Variants in IHH observed in about 807,000 individuals in gnomAD.
IHH encodes the protein Indian hedgehog signaling molecule, also known as indian hedgehog protein.
A neutral mutation model predicts 29.4 loss-of-function variants in IHH; 9 were observed. That is an observed-to-expected ratio of 0.31 (90% CI 0.18 to 0.53). The LOEUF (loss-of-function observed/expected upper bound fraction) is 0.53. Among genes scored for constraint, IHH ranks in the 20% least tolerant of loss-of-function variants. The probability of loss-of-function intolerance (pLI) is 0.95; values close to 1 mark genes in which losing one functional copy is unlikely to be tolerated. For synonymous variants in IHH, 254 were observed against 252.7 expected (o/e 1.01, Z -0.05); for missense variants, 454 against 578.1 (o/e 0.79, Z 2.20).
rs992379168 is a variant in IHH, at chr2:219,055,097, G to T, written c.*110C>A. 1.2e-5 allele frequency: 14 copies of T among 1,139,122 alleles called. No individual in the cohort carries two copies. The African/African-American group carries it at 2.0e-4, about 16-fold the overall frequency. The allele number at this position is 1,139,122 out of a possible 1,614,324, so 70.6% of individuals were successfully genotyped here. Reference sequence around the variant, plus strand: ...GTGTATCTTCATGGCAGAGGAGATGGCAGGAGCCAGTGTCCCCCAGCTCAG... The same window carrying T: ...GTGTATCTTCATGGCAGAGGAGATGTCAGGAGCCAGTGTCCCCCAGCTCAG... On this transcript the variant is annotated 3_prime_UTR_variant, in exon 3 of 3. Transcript: ENST00000295731.
rs1002222600 is a variant in IHH, at chr2:219,059,501, G to A, written c.315+652C>T. ...TCCCCTAAGCTCAGTCCCAGAGCCCGAAGGCCCCAATAACCCACCCTTCCA... is the reference window on the plus strand; with the variant it reads ...TCCCCTAAGCTCAGTCCCAGAGCCCAAAGGCCCCAATAACCCACCCTTCCA... On this transcript the variant is annotated intron_variant, in intron 1 of 2. Transcript: ENST00000295731. This position sits in a 1 kb window ranked among gnomAD's most constrained non-coding sequence, Gnocchi z 4.7. Among the ~76,000 whole-genome samples, 2 of 152,054 alleles carry A rather than the reference G, an allele frequency of 1.3e-5. No homozygotes were observed. The highest frequency in any genetic ancestry group is 4.8e-5 in the African/African-American group (2 of 41,402).
Position 219,060,768 on chromosome 2 carries a change from G to T in IHH, c.-301C>A, listed in dbSNP as rs1574689795. Among the ~76,000 whole-genome samples, 1 of 147,110 alleles carries T rather than the reference G, an allele frequency of 6.8e-6. No homozygotes were observed. Among genetic ancestry groups the T allele is most frequent in the African/African-American group, 2.4e-5 (1 of 40,848 alleles). ...TTTTGGCAACGCGGCGGCGGCGGGG[G>T]GCGGCGGGCGGCGGGGCTGCGGGCC... On this transcript the variant is annotated 5_prime_UTR_variant, in exon 1 of 3. Transcript: ENST00000295731. This position sits in a 1 kb window ranked among gnomAD's most constrained non-coding sequence, Gnocchi z 8.8.
Position 219,055,195 on chromosome 2 carries a change from G to A in IHH, c.*12C>T, listed in dbSNP as rs768067625. On this transcript the variant is annotated 3_prime_UTR_variant, in exon 3 of 3. Coordinates refer to ENST00000295731, the MANE Select transcript of IHH (RefSeq NM_002181.4). ...AGTACAGCAGTTCCAGGAGGGCAGC[G>A]GTGGAGTCCTTTCAGCTCCCTGCCC... 27 of 1,557,766 alleles carry A rather than the reference G, an allele frequency of 1.7e-5. No individual in the cohort carries two copies. The highest frequency in any genetic ancestry group is 1.7e-4 in the Middle Eastern group (1 of 5,994).
chr2:219,059,659 G>C lies in IHH; in HGVS notation c.315+494C>G, dbSNP rs1948863770. ...CAGACCCAGCCGGGACGCTGCTCCT[G>C]GAAGGGGCAGCCCGTAGAACCAAGA... On this transcript the variant is annotated intron_variant, in intron 1 of 2. Coordinates refer to ENST00000295731, the MANE Select transcript of IHH (RefSeq NM_002181.4). The surrounding 1 kb of genome is among the most constrained non-coding windows in gnomAD (Gnocchi z 4.7). Among the ~76,000 whole-genome samples the C allele has an allele frequency of 6.6e-6, 1 of 152,216 alleles. No individual in the cohort carries two copies. Among genetic ancestry groups the C allele is most frequent in the Non-Finnish European group, 1.5e-5 (1 of 68,036 alleles).
At chr2:219,057,323 C>CCGGAT in intron 2 of IHH, 110 bp downstream of exon 2, 1 of 1,290,526 alleles carries the variant, frequency 7.7e-7, no homozygotes, top group Non-Finnish European at 1.1e-6. Context: ...TCCTCTTCCC[C>CCGGAT]CGGATCCCTG....
intron 1 of IHH, among the ~76,000 whole-genome samples, chr2:219,058,039 C>A (rs934187263): frequency 6.6e-6 from 1 of 152,240 alleles, no homozygotes; most frequent in African/African-American, 2.4e-5. Context: ...CAGGACTACA[C>A]CTTTCAGCGC....
Position 219,060,638 on chromosome 2 carries a change from G to C in IHH, c.-171C>G, listed in dbSNP as rs1281370851. Among the ~76,000 whole-genome samples the C allele has an allele frequency of 1.3e-5, 2 of 151,428 alleles. No homozygotes were observed. The highest frequency in any genetic ancestry group is 3.0e-5 in the Non-Finnish European group (2 of 67,748). On this transcript the variant is annotated 5_prime_UTR_variant, in exon 1 of 3. Coordinates refer to ENST00000295731, the MANE Select transcript of IHH (RefSeq NM_002181.4). The surrounding 1 kb of genome is among the most constrained non-coding windows in gnomAD (Gnocchi z 8.8). ...AGGGCCGGCGGGACTCAAGTGCGGGGCGGGGGCCCAGGGCCCGAGCTGGTG... is the reference window on the plus strand; with the variant it reads ...AGGGCCGGCGGGACTCAAGTGCGGGCCGGGGGCCCAGGGCCCGAGCTGGTG...
intron 2 of IHH, among the ~76,000 whole-genome samples, chr2:219,056,755 G>A (rs1227974306): frequency 6.6e-6 from 1 of 152,154 alleles, no homozygotes; most frequent in Non-Finnish European, 1.5e-5. Flanking sequence ...ACCATTTGGA[G>A]CCTCCATGGC....
rs142245478 is a variant in IHH, at chr2:219,055,796, G to A, written c.647C>T (p.Ala216Val). 677 of 1,612,930 alleles carry A rather than the reference G, an allele frequency of 4.2e-4. No individual in the cohort carries two copies. Among genetic ancestry groups the A allele is most frequent in the Non-Finnish European group, 5.2e-4 (616 of 1,179,976 alleles). ...AGAQVRLESG[A>V]RVALSAVRPG... ...CCTCACGGCTGACAAGGCCACACGC[G>A]CCCCACTCTCCAGGCGTACCTGGGC... Residue 216 changes from alanine to valine, a missense_variant, in exon 3 of 3, where the codon GCG becomes GTG. This residue lies in a region of IHH where 271 missense variants were observed against 315.9 expected (regional missense o/e 0.86). Coordinates refer to ENST00000295731, the MANE Select transcript of IHH (RefSeq NM_002181.4).
Position 219,055,496 on chromosome 2 carries a change from C to T in IHH, c.947G>A (p.Arg316His), listed in dbSNP as rs745408084. The T allele has an allele frequency of 9.9e-6, 16 of 1,609,508 alleles. No individual in the cohort carries two copies. Among genetic ancestry groups the T allele is most frequent in the Admixed American group, 5.0e-5 (3 of 59,932 alleles). The change falls in exon 3 of 3, where the codon CGC becomes CAC. Residue 316 changes from arginine to histidine, a missense_variant. Arg to His is a conservative substitution (Grantham distance 29). Transcript: ENST00000295731. ...CACGTGTGTAGAGACAGCTGCCACG[C>T]GGGCAGGCTGCAGGCCTGGCACCCC... ...VAGVPGLQPA[R>H]VAAVSTHVAL...
Position 219,055,671 on chromosome 2 carries a change from G to C in IHH, c.772C>G (p.Gln258Glu). 4 of 1,614,072 alleles carry C rather than the reference G, an allele frequency of 2.5e-6. No individual in the cohort carries two copies. The South Asian group carries it at 4.4e-5, about 18-fold the overall frequency. Residue 258 changes from glutamine to glutamate, a missense_variant, in exon 3 of 3, where the codon CAG (glutamine) becomes GAG (glutamate). Physicochemically the swap from Gln to Glu is conservative, Grantham distance 29. This residue lies in a region of IHH where 271 missense variants were observed against 315.9 expected (regional missense o/e 0.86). Transcript: ENST00000295731. The stretch of plus-strand genomic sequence containing the variant: ...GGGGGGTCCTGAGTCTCGATGACCT[G>C]GAAGGCTCTCAGCCTGTGAGGCTCG... ...DREPHRLRAF[Q>E]VIETQDPPRR...
chr2:219,055,967 C>T (rs1333063809), intron 2 of IHH, 102 bp from the exon 3 acceptor site: 29 of 1,298,514 alleles, frequency 2.2e-5, no homozygotes, highest in Non-Finnish European at 3.1e-5. Flanking sequence ...GCTCCTCTTG[C>T]TCCCAGAGAG....
In IHH at chr2:219,059,667, C is replaced by A. The variant is rs1356733181; in HGVS notation, c.315+486G>T. 6.6e-6 allele frequency among the ~76,000 whole-genome samples: 1 copy of A among 152,186 alleles called. No homozygotes were observed. The highest frequency in any genetic ancestry group is 1.5e-5 in the Non-Finnish European group (1 of 68,028). On this transcript the variant is annotated intron_variant, in intron 1 of 2. Transcript: ENST00000295731. The surrounding 1 kb of genome is among the most constrained non-coding windows in gnomAD (Gnocchi z 4.7). ...GCCGGGACGCTGCTCCTGGAAGGGG[C>A]AGCCCGTAGAACCAAGAGCGCACAG...
In IHH at chr2:219,060,589, C is replaced by T; in HGVS notation, c.-122G>A. 7.1e-6 allele frequency: 4 copies of T among 561,214 alleles called. No homozygotes were observed. The highest frequency in any genetic ancestry group is 1.1e-5 in the Non-Finnish European group (4 of 371,560). 34.8% of individuals were successfully genotyped at this position (561,214 alleles called of 1,614,324 possible). The stretch of plus-strand genomic sequence containing the variant: ...GGCTCCGGGGGGCTCCAGGCGGGGG[C>T]GCCATGGGCGGCGTGGTGCGGCCAG... On this transcript the variant is annotated 5_prime_UTR_variant, in exon 1 of 3. Transcript: ENST00000295731. The surrounding 1 kb of genome is among the most constrained non-coding windows in gnomAD (Gnocchi z 8.8).
At chr2:219,055,891 G>T (rs1249163617) in intron 2 of IHH, 26 bp from the exon 3 acceptor site, 1 of 1,593,200 alleles carries the variant, frequency 6.3e-7, no homozygotes, top group Non-Finnish European at 8.5e-7. Flanking sequence ...ACATGAAGGT[G>T]TTACTGCTGT....
chr2:219,055,825 G>A lies in IHH; in HGVS notation c.618C>T (p.Ala206=), dbSNP rs3731879. 3,576 of 1,611,814 alleles carry A rather than the reference G, an allele frequency of 2.2e-3. 85 individuals carry two copies. In the East Asian group the frequency reaches 0.06, roughly 27 times the overall value. The part of the protein sequence containing the change: ...AAAKTGGCFP[A]GAQVRLESGA... Reference sequence around the variant, plus strand: ...CACTCTCCAGGCGTACCTGGGCTCCGGCAGGGAAGCAGCCGCCCGTCTTGG... The same window carrying A: ...CACTCTCCAGGCGTACCTGGGCTCCAGCAGGGAAGCAGCCGCCCGTCTTGG... Residue 206 remains alanine, a synonymous_variant, in exon 3 of 3, where the codon GCC becomes GCT. Coordinates refer to ENST00000295731, the MANE Select transcript of IHH (RefSeq NM_002181.4).
chr2:219,059,693 G>C lies in IHH; in HGVS notation c.315+460C>G, dbSNP rs1948864032. On this transcript the variant is annotated intron_variant, in intron 1 of 2. Transcript: ENST00000295731. The surrounding 1 kb of genome is among the most constrained non-coding windows in gnomAD (Gnocchi z 4.7). The stretch of plus-strand genomic sequence containing the variant: ...AGCCCGTAGAACCAAGAGCGCACAG[G>C]GAGGAAAGGCCGTGGTGACCCTACG... Among the ~76,000 whole-genome samples, 1 of 152,336 alleles carries C rather than the reference G, an allele frequency of 6.6e-6. No individual in the cohort carries two copies. Among genetic ancestry groups the C allele is most frequent in the African/African-American group, 2.4e-5 (1 of 41,584 alleles).
chr2:219,060,448 C>T lies in IHH; in HGVS notation c.20G>A (p.Arg7Gln), dbSNP rs761363200. ...GACCAGGCAGAAGTGCAGTCGGGGC[C>T]GGAGCCGGGCGGGAGACATGGCCGG... MSPARL[R>Q]PRLHFCLVLL... Residue 7 changes from arginine to glutamine, a missense_variant, in exon 1 of 3, where the codon CGG (arginine) becomes CAG (glutamine). This residue lies in a region of IHH where 113 missense variants were observed against 122.1 expected (regional missense o/e 0.93). Coordinates refer to ENST00000295731, the MANE Select transcript of IHH (RefSeq NM_002181.4). The surrounding 1 kb of genome is among the most constrained non-coding windows in gnomAD (Gnocchi z 8.8). The T allele has an allele frequency of 7.8e-6, 12 of 1,539,562 alleles. No homozygotes were observed. The Admixed American group carries it at 1.2e-4, about 15-fold the overall frequency.
rs1948816095 is a variant in IHH at position 219,054,942 on chromosome 2, G to A, written c.*265C>T. The A allele has an allele frequency of 3.9e-5, 20 of 516,770 alleles. No homozygotes were observed. In the South Asian group the frequency reaches 4.8e-4, roughly 12 times the overall value. The allele number at this position is 516,770 out of a possible 1,614,324, so 32.0% of individuals were successfully genotyped here. On this transcript the variant is annotated 3_prime_UTR_variant, in exon 3 of 3. Transcript: ENST00000295731. Reference sequence around the variant, plus strand: ...GTGAGAGCAGGCTGAGTTGGGAGTCGCCGTGCCAGCCTCAAGGTCTCTAGG... The same window carrying A: ...GTGAGAGCAGGCTGAGTTGGGAGTCACCGTGCCAGCCTCAAGGTCTCTAGG...
Sources: allele counts gnomAD v4.1 joint callset (sites outside exome capture counted in the v4.1 genomes callset), GRCh38; gene constraint gnomAD v4.1.1; regional missense constraint gnomAD v4.1.1; non-coding constraint Gnocchi (gnomAD v3.1); transcripts MANE v1.5; gene names NCBI Gene and HGNC (gene_info 2026-07-23, HGNC 2026-07-21).